Variants in CNTN5 observed in about 807,000 individuals in gnomAD.
CNTN5 encodes contactin-5.
In CNTN5, 77 loss-of-function variants were observed where a neutral mutation model predicts 129.1. The observed-to-expected ratio is 0.60, with a 90% CI of 0.50 to 0.72. The LOEUF (loss-of-function observed/expected upper bound fraction) is 0.72, where lower values mean the gene tolerates loss of function less well. Ranked by LOEUF, CNTN5 falls within the 30% of genes least tolerant of loss-of-function variation. The probability of loss-of-function intolerance (pLI) is 0.00; values close to 1 mark genes in which losing one functional copy is unlikely to be tolerated. For missense variants in CNTN5, 1,478 were observed against 1,328.8 expected, an observed-to-expected ratio of 1.11 and a Z score of -1.75; for synonymous variants, 509 against 465.6, an observed-to-expected ratio of 1.09 and a Z score of -1.20.
chr11:99,449,353 C>A (rs1423904425), intron 2 of CNTN5, among the ~76,000 whole-genome samples: 1 of 152,098 alleles, frequency 6.6e-6, no homozygotes, highest in Admixed American at 6.6e-5. Flanking sequence ...TCTTCCTCTG[C>A]AATCTGTTTC....
chr11:99,899,852 G>C (rs1591386179), intron 6 of CNTN5, among the ~76,000 whole-genome samples: 1 of 151,882 alleles, frequency 6.6e-6, no homozygotes, highest in East Asian at 1.9e-4. Context: ...TTGAATTCAT[G>C]TGGTACTAGG....
intron 1 of CNTN5, among the ~76,000 whole-genome samples, chr11:99,088,118 T>C (rs1237295759): frequency 6.6e-6 from 1 of 152,142 alleles, no homozygotes; most frequent in East Asian, 1.9e-4. Flanking sequence ...GTACAACTAT[T>C]TCACCTCTTC....
In CNTN5 at chr11:99,430,514, C is replaced by A. The variant is rs1178138445; in HGVS notation, c.-71+105030C>A. ...ATATATTTATAGCTCTCTTTTCTCTCTCTATATATATATAGCTTGAATACC... is the reference window on the plus strand; with the variant it reads ...ATATATTTATAGCTCTCTTTTCTCTATCTATATATATATAGCTTGAATACC... On this transcript the variant is annotated intron_variant, in intron 2 of 24. Transcript: ENST00000524871. 4.0e-5 allele frequency among the ~76,000 whole-genome samples: 6 copies of A among 149,802 alleles called. No homozygotes were observed. In the East Asian group the frequency reaches 1.2e-3, roughly 29 times the overall value.
intron 13 of CNTN5, among the ~76,000 whole-genome samples, chr11:100,111,925 T>A (rs934580704): frequency 1.1e-4 from 16 of 152,202 alleles, no homozygotes; most frequent in Admixed American, 6.5e-4. Flanking sequence ...AGTAGTTTCT[T>A]AACATATCTC....
At chr11:100,323,637 C>T (rs1250919394) in intron 21 of CNTN5, among the ~76,000 whole-genome samples, 1 of 126,008 alleles carries the variant, frequency 7.9e-6, no homozygotes, top group African/African-American at 3.7e-5. Context: ...ATGTCCTCCT[C>T]CCCCCCCCTT....
intron 1 of CNTN5, among the ~76,000 whole-genome samples, chr11:99,248,383 T>C (rs1371230187): frequency 6.6e-6 from 1 of 152,226 alleles, no homozygotes; most frequent in Non-Finnish European, 1.5e-5. Flanking sequence ...GATGACTAGA[T>C]TGCAAAACTT....
chr11:99,183,989 T>C (rs1347935240), intron 1 of CNTN5, among the ~76,000 whole-genome samples: 3 of 152,102 alleles, frequency 2.0e-5, no homozygotes, highest in Non-Finnish European at 4.4e-5. Flanking sequence ...AAATTTTACT[T>C]ATCTGATATT....
intron 1 of CNTN5, among the ~76,000 whole-genome samples, chr11:99,099,354 A>ATTTGTG (rs1209161988): frequency 1.3e-5 from 2 of 152,160 alleles, no homozygotes; most frequent in Non-Finnish European, 2.9e-5. Flanking sequence ...TTTAGCTTGA[A>ATTTGTG]AGGCACCATT....
intron 8 of CNTN5, among the ~76,000 whole-genome samples, chr11:99,989,488 C>A (rs1469048937): frequency 6.7e-6 from 1 of 149,818 alleles, no homozygotes; most frequent in South Asian, 2.1e-4. Context: ...ATTCAAAAGG[C>A]TCCAATTCTT....
At chr11:99,141,626 T>G (rs1859521084) in intron 1 of CNTN5, among the ~76,000 whole-genome samples, 1 of 152,222 alleles carries the variant, frequency 6.6e-6, no homozygotes, top group Non-Finnish European at 1.5e-5. Context: ...AAATTTTTAA[T>G]GTGGGTATTT....
intron 3 of CNTN5, among the ~76,000 whole-genome samples, chr11:99,792,130 ACTATGTTT>A (rs1945766502): frequency 6.6e-6 from 1 of 152,054 alleles, no homozygotes; most frequent in African/African-American, 2.4e-5. Context: ...GATCTCCAAT[ACTATGTTT>A]AATAGGAATG....
intron 21 of CNTN5, among the ~76,000 whole-genome samples, chr11:100,324,787 C>A (rs1324174962): frequency 1.3e-5 from 2 of 152,036 alleles, no homozygotes; most frequent in Non-Finnish European, 2.9e-5. Flanking sequence ...TATTATGTTT[C>A]TTCTGCATTT....
At chr11:99,986,189 T>C (rs1938664400) in intron 8 of CNTN5, among the ~76,000 whole-genome samples, 1 of 152,132 alleles carries the variant, frequency 6.6e-6, no homozygotes, top group African/African-American at 2.4e-5. Context: ...AGTCACTTAT[T>C]GTAAACTTTC....
chr11:100,220,552 G>A lies in CNTN5; in HGVS notation c.1885-4140G>A, dbSNP rs7927471. ...ATTTCCATAGCTTACTCTAGCTATG[G>A]AAAATATTGATACCCAGTTTGCTAA... On this transcript the variant is annotated intron_variant, in intron 15 of 24. Transcript: ENST00000524871. Among the ~76,000 whole-genome samples the A allele has an allele frequency of 7.6e-3, 1,161 of 152,154 alleles. 17 individuals are homozygous for A. Among genetic ancestry groups the A allele is most frequent in the African/African-American group, 0.026 (1,090 of 41,516 alleles).
chr11:100,321,176 C>T (rs1391096847), intron 21 of CNTN5, among the ~76,000 whole-genome samples: 1 of 151,754 alleles, frequency 6.6e-6, no homozygotes, highest in African/African-American at 2.4e-5. Context: ...TTTTTCCAGT[C>T]CATGAACATA....
intron 9 of CNTN5, among the ~76,000 whole-genome samples, chr11:100,046,434 A>C (rs1942681041): frequency 6.6e-6 from 1 of 152,158 alleles, no homozygotes; most frequent in African/African-American, 2.4e-5. Flanking sequence ...CAATTATGTT[A>C]TGATGCATAG....
Position 99,902,824 on chromosome 11 carries a change from A to T in CNTN5, c.578-13230A>T, listed in dbSNP as rs577967521. Among the ~76,000 whole-genome samples the T allele has an allele frequency of 2.0e-5, 3 of 152,280 alleles. No homozygotes were observed. In the South Asian group the frequency reaches 6.2e-4, roughly 32 times the overall value. ...CTAGTTGAGCCTAAATGAAGATCACAAATTAAAACTTTCTGAAATAATTAA... is the reference window on the plus strand; with the variant it reads ...CTAGTTGAGCCTAAATGAAGATCACTAATTAAAACTTTCTGAAATAATTAA... On this transcript the variant is annotated intron_variant, in intron 6 of 24. Coordinates refer to ENST00000524871, the MANE Select transcript of CNTN5 (RefSeq NM_014361.4).
At chr11:99,927,709 A>G (rs527449272) in intron 7 of CNTN5, among the ~76,000 whole-genome samples, 1 of 152,244 alleles carries the variant, frequency 6.6e-6, no homozygotes, top group East Asian at 1.9e-4. Context: ...CCCTCCCACA[A>G]CATGTGAGGA....
rs117215490 is a variant in CNTN5, at chr11:99,147,940, A to G, written c.-210+126670A>G. 8.1e-4 allele frequency among the ~76,000 whole-genome samples: 124 copies of G among 152,212 alleles called. 2 individuals are homozygous for G. The East Asian group carries it at 0.021, about 26-fold the overall frequency. On this transcript the variant is annotated intron_variant, in intron 1 of 24. Coordinates refer to ENST00000524871, the MANE Select transcript of CNTN5 (RefSeq NM_014361.4). ...TTTATATGTTAATTTTTAGGAGGAA[A>G]TATTTTATGGAATGATTTATACAAG...
Sources: allele counts gnomAD v4.1 joint callset (sites outside exome capture counted in the v4.1 genomes callset), GRCh38; gene constraint gnomAD v4.1.1; transcripts MANE v1.5; gene names NCBI Gene and HGNC (gene_info 2026-07-23, HGNC 2026-07-21).